FGFR2: variants seen among roughly 807,000 people sequenced by gnomAD.
FGFR2 encodes the protein BEK fibroblast growth factor receptor.
Under a neutral mutation model 95.9 loss-of-function variants are expected in FGFR2, and 19 were observed. The ratio of observed to expected loss-of-function variants is 0.20; its 90% CI spans 0.14 to 0.29. FGFR2 has a LOEUF of 0.29. Ranked by LOEUF, FGFR2 falls within the 10% of genes least tolerant of loss-of-function variation. The pLI, the probability that FGFR2 is intolerant of heterozygous loss-of-function variation, is 1.00. For missense variants in FGFR2, 707 were observed against 1,056.9 expected (o/e 0.67, Z 4.59); for synonymous variants, 392 against 393.3 (o/e 1.00, Z 0.04).
chr10:121,596,318 G>A (rs1293474087), intron 1 of FGFR2, among the ~76,000 whole-genome samples: 1 of 152,166 alleles, frequency 6.6e-6, no homozygotes, highest in Non-Finnish European at 1.5e-5. Flanking sequence ...GCTTGGCTGC[G>A]GAGCGGTCCC....
chr10:121,507,113 T>C (rs896132462), intron 9 of FGFR2, among the ~76,000 whole-genome samples: 2 of 152,234 alleles, frequency 1.3e-5, no homozygotes, highest in African/African-American at 4.8e-5. Context: ...CTGCCCTTCC[T>C]GTGCTCATCA....
At chr10:121,560,564 G>A (rs1396874415) in intron 4 of FGFR2, among the ~76,000 whole-genome samples, 13 of 127,052 alleles carry the variant, frequency 1.0e-4, no homozygotes, top group Non-Finnish European at 1.9e-4. Flanking sequence ...GCAGTGAGCC[G>A]AGATAGCACC....
intron 13 of FGFR2, among the ~76,000 whole-genome samples, chr10:121,493,472 G>C (rs763882331): frequency 4.6e-5 from 7 of 152,102 alleles, no homozygotes; most frequent in African/African-American, 1.7e-4. Context: ...TCTGAGCGCC[G>C]AGGCTCTACT....
chr10:121,482,718 T>C (rs1479387083), intron 17 of FGFR2, among the ~76,000 whole-genome samples: 1 of 152,228 alleles, frequency 6.6e-6, no homozygotes, highest in Non-Finnish European at 1.5e-5. Context: ...TCTATCTGCA[T>C]ATTGAAGGAG....
At chr10:121,538,468 G>C in intron 6 of FGFR2, 124 bp downstream of exon 6, 1 of 1,350,206 alleles carries the variant, frequency 7.4e-7, no homozygotes, top group African/African-American at 1.4e-5. Context: ...ATAGTAGAAA[G>C]AATAAGAATG....
At chr10:121,481,587 G>A (rs926036295) in intron 17 of FGFR2, among the ~76,000 whole-genome samples, 17 of 152,028 alleles carry the variant, frequency 1.1e-4, no homozygotes, top group Admixed American at 1.0e-3. Context: ...TGATAAAAAC[G>A]AAATTTTGTC....
intron 2 of FGFR2, among the ~76,000 whole-genome samples, chr10:121,570,155 TA>T (rs1858405900): frequency 1.7e-5 from 1 of 60,606 alleles, no homozygotes; most frequent in African/African-American, 3.1e-5. Flanking sequence ...CACAAGCACC[TA>T]ACAGCTGGCT....
At chr10:121,540,521 C>T (rs1181747196) in intron 5 of FGFR2, among the ~76,000 whole-genome samples, 1 of 152,158 alleles carries the variant, frequency 6.6e-6, no homozygotes, top group Non-Finnish European at 1.5e-5. Flanking sequence ...CTGGGTGCTA[C>T]AACGGCATCG....
chr10:121,480,948 T>C (rs893683537), intron 17 of FGFR2, among the ~76,000 whole-genome samples: 1 of 152,094 alleles, frequency 6.6e-6, no homozygotes, highest in East Asian at 1.9e-4. Flanking sequence ...GAATATCTTA[T>C]AGGATTAAAA....
At chr10:121,515,924 C>T (rs144824526) in intron 8 of FGFR2, among the ~76,000 whole-genome samples, 36 of 151,054 alleles carry the variant, frequency 2.4e-4, no homozygotes, top group East Asian at 1.8e-3. Context: ...GATTGAATTG[C>T]TTATAATATA....
intron 12 of FGFR2, among the ~76,000 whole-genome samples, chr10:121,497,148 AAG>A (rs1185682784): frequency 8.7e-5 from 13 of 149,754 alleles, no homozygotes; most frequent in Admixed American, 2.0e-4. Flanking sequence ...AAAAAAAAAA[AAG>A]AAGAAGAAAA....
rs909009549 is a variant in FGFR2 at position 121,485,299 on chromosome 10, G to A, written c.2195+96C>T. 1.0e-5 allele frequency: 16 copies of A among 1,554,702 alleles called. No individual in the cohort carries two copies. Among genetic ancestry groups the A allele is most frequent in the Non-Finnish European group, 1.4e-5 (16 of 1,128,832 alleles). On this transcript the variant is annotated intron_variant, in intron 16 of 17. Transcript: ENST00000358487. This position sits in a 1 kb window ranked among gnomAD's most constrained non-coding sequence, Gnocchi z 4.2. Reference sequence around the variant, plus strand: ...GCCATTCTTCTTAGAGCATGTTTAGGAAACCAGGGGCCTTCAAAAACGAGA... The same window carrying A: ...GCCATTCTTCTTAGAGCATGTTTAGAAAACCAGGGGCCTTCAAAAACGAGA...
Position 121,493,530 on chromosome 10 carries a change from G to A in FGFR2, c.1863+3002C>T, listed in dbSNP as rs188293483. The stretch of plus-strand genomic sequence containing the variant: ...CTCCCATGTGGGGCCTCTGTGCTCC[G>A]TGTCCTGATTTTCCTACTGCTCAGG... On this transcript the variant is annotated intron_variant, in intron 13 of 17. Transcript: ENST00000358487. Among the ~76,000 whole-genome samples, 4 of 152,248 alleles carry A rather than the reference G, an allele frequency of 2.6e-5. No individual in the cohort carries two copies. In the East Asian group the frequency reaches 7.7e-4, roughly 29 times the overall value.
intron 6 of FGFR2, among the ~76,000 whole-genome samples, chr10:121,533,315 G>A (rs923760962): frequency 6.6e-6 from 1 of 152,150 alleles, no homozygotes; most frequent in African/African-American, 2.4e-5. Context: ...ACTTGAACCT[G>A]GGAGGCAGAG....
At chr10:121,570,745 A>G (rs555705295) in intron 2 of FGFR2, among the ~76,000 whole-genome samples, 3 of 152,198 alleles carry the variant, frequency 2.0e-5, no homozygotes, top group Non-Finnish European at 4.4e-5. Flanking sequence ...ATATGAATTA[A>G]AAGTCGAAAA....
intron 2 of FGFR2, among the ~76,000 whole-genome samples, chr10:121,566,075 C>T (rs977429586): frequency 1.3e-5 from 2 of 152,190 alleles, no homozygotes; most frequent in African/African-American, 4.8e-5. Flanking sequence ...TGTAAGAATG[C>T]CGAGTTTTAC....
chr10:121,563,506 T>A (rs981661805), intron 4 of FGFR2, among the ~76,000 whole-genome samples: 3 of 152,180 alleles, frequency 2.0e-5, no homozygotes, highest in Admixed American at 2.0e-4. Flanking sequence ...AGAATCCCAA[T>A]ACCCTATGTA....
intron 6 of FGFR2, among the ~76,000 whole-genome samples, chr10:121,532,410 C>T (rs1754746212): frequency 1.3e-5 from 2 of 152,108 alleles, no homozygotes; most frequent in African/African-American, 2.4e-5. Flanking sequence ...TGATGGAAGC[C>T]GAGACTGAGA....
intron 5 of FGFR2, among the ~76,000 whole-genome samples, chr10:121,539,934 C>A (rs192357123): frequency 6.6e-6 from 1 of 152,316 alleles, no homozygotes; most frequent in African/African-American, 2.4e-5. Context: ...GATTAGCCTG[C>A]CAACAGAGTT....
Sources: allele counts gnomAD v4.1 joint callset (sites outside exome capture counted in the v4.1 genomes callset), GRCh38; gene constraint gnomAD v4.1.1; non-coding constraint Gnocchi (gnomAD v3.1); transcripts MANE v1.5; gene names NCBI Gene and HGNC (gene_info 2026-07-23, HGNC 2026-07-21).